UHRF1: variants seen among roughly 807,000 people sequenced by gnomAD.
UHRF1 encodes the protein E3 ubiquitin-protein ligase UHRF1.
In UHRF1, 9 loss-of-function variants were observed where a neutral mutation model predicts 96.5. That is an observed-to-expected ratio of 0.09 (90% CI 0.06 to 0.16). The LOEUF (loss-of-function observed/expected upper bound fraction) is 0.16, where lower values mean the gene tolerates loss of function less well. Among genes scored for constraint, UHRF1 ranks in the 10% least tolerant of loss-of-function variants. UHRF1 has a pLI of 1.00. For missense variants in UHRF1, 626 were observed against 1,131.1 expected (o/e 0.55, Z 6.40); for synonymous variants, 455 against 469.9 (o/e 0.97, Z 0.41).
At chr19:4,917,110 CGT>C (rs1568408731) in intron 2 of UHRF1, among the ~76,000 whole-genome samples, 2 of 58,242 alleles carry the variant, frequency 3.4e-5, no homozygotes, top group African/African-American at 1.2e-4. Flanking sequence ...CTTAAGTTTT[CGT>C]TTTTTTTTTT....
In UHRF1 at chr19:4,945,902, A is replaced by C. The variant is rs2250982; in HGVS notation, c.1347A>C (p.Ile449=). 0.58 allele frequency: 923,929 copies of C among 1,595,164 alleles called. 270,550 individuals are homozygous for C. The highest frequency in any genetic ancestry group is 0.71 in the South Asian group (63,594 of 89,864). ...SGVHRPHVAG[I]HGRSNDGAYS... ...TCCATCGGCCCCACGTGGCTGGCAT[A>C]CACGGCCGGAGCAACGACGGAGCGT... Residue 449 remains isoleucine (I), a synonymous_variant, in exon 10 of 17, where the codon ATA becomes ATC. Transcript: ENST00000650932.
upstream of UHRF1, among the ~76,000 whole-genome samples, chr19:4,907,875 G>A (rs1320182047): frequency 6.6e-6 from 1 of 151,826 alleles, no homozygotes; most frequent in African/African-American, 2.4e-5. Flanking sequence ...ACCACGCCAG[G>A]CTAATTTTGT....
chr19:4,935,155 A>T (rs551222913), intron 5 of UHRF1, among the ~76,000 whole-genome samples: 1 of 152,068 alleles, frequency 6.6e-6, no homozygotes, highest in African/African-American at 2.4e-5. Context: ...TTTAGTGGAG[A>T]CAGAGTTTCA....
At chr19:4,917,952 G>A (rs1020607581) in intron 2 of UHRF1, among the ~76,000 whole-genome samples, 4 of 151,840 alleles carry the variant, frequency 2.6e-5, no homozygotes, top group African/African-American at 2.4e-5. Context: ...TGAGCTATTG[G>A]GCCTGGCCTA....
intron 5 of UHRF1, among the ~76,000 whole-genome samples, chr19:4,937,662 C>T (rs1318530425): frequency 6.6e-6 from 1 of 152,098 alleles, no homozygotes; most frequent in Admixed American, 6.6e-5. Flanking sequence ...CTTCGCCCGG[C>T]CAGTTTAGGA....
At chr19:4,909,063 G>A (rs1568402999), upstream of UHRF1, 3 of 161,838 alleles carry the variant, frequency 1.9e-5, no homozygotes, top group Admixed American at 6.5e-5. Flanking sequence ...TGGGGCGATC[G>A]GGCGAGCCAT....
intron 9 of UHRF1, among the ~76,000 whole-genome samples, chr19:4,945,356 T>C (rs918245111): frequency 3.3e-5 from 5 of 152,142 alleles, no homozygotes; most frequent in Non-Finnish European, 7.4e-5. Context: ...TCTCCTGGGT[T>C]CAAGCGATTC....
chr19:4,913,296 C>G (rs995689543), intron 2 of UHRF1, among the ~76,000 whole-genome samples: 4 of 132,798 alleles, frequency 3.0e-5, no homozygotes, highest in Non-Finnish European at 6.2e-5. Context: ...TCTTGTTGCC[C>G]AGGCTGGAGT....
chr19:4,926,005 G>T (rs1409226450), intron 2 of UHRF1, among the ~76,000 whole-genome samples: 1 of 151,776 alleles, frequency 6.6e-6, no homozygotes, highest in Non-Finnish European at 1.5e-5. Flanking sequence ...TCAAGCAATT[G>T]TCCTTCCTCA....
chr19:4,928,971 TG>T (rs2032959284), intron 2 of UHRF1, among the ~76,000 whole-genome samples: 1 of 152,230 alleles, frequency 6.6e-6, no homozygotes, highest in Non-Finnish European at 1.5e-5. Flanking sequence ...TTTGTGCTTC[TG>T]GGTGCTTCCT....
At chr19:4,935,759 G>C (rs187169390) in intron 5 of UHRF1, among the ~76,000 whole-genome samples, 19 of 152,166 alleles carry the variant, frequency 1.2e-4, no homozygotes, top group African/African-American at 4.1e-4. Flanking sequence ...TTATGGGTTA[G>C]GTTTAAGTGA....
At chr19:4,956,136 G>C (rs1468157816) in intron 15 of UHRF1, among the ~76,000 whole-genome samples, 2 of 152,004 alleles carry the variant, frequency 1.3e-5, no homozygotes, top group Admixed American at 1.3e-4. Flanking sequence ...TCACCGTGTT[G>C]GTCAGGCTGG....
chr19:4,961,748 A>G lies in UHRF1; in HGVS notation c.*945A>G, dbSNP rs1458221340. 1.4e-5 allele frequency: 2 copies of G among 140,166 alleles called. No homozygotes were observed. Among genetic ancestry groups the G allele is most frequent in the Non-Finnish European group, 3.2e-5 (2 of 61,742 alleles). The allele number at this position is 140,166 out of a possible 1,614,324, so 8.7% of individuals were successfully genotyped here. A position where few individuals can be genotyped will look rare whatever the true frequency, so the allele number is the denominator to read the frequency against. On this transcript the variant is annotated 3_prime_UTR_variant, in exon 17 of 17. Transcript: ENST00000650932. Reference sequence around the variant, plus strand: ...CATTTACATTCAATTTTTTTAACTCAGCAAGTGAGAACTTACAAGAGGGTT... The same window carrying G: ...CATTTACATTCAATTTTTTTAACTCGGCAAGTGAGAACTTACAAGAGGGTT...
At chr19:4,950,795 C>T (rs1244860197) in intron 12 of UHRF1, 22 bp downstream of exon 12, 62 of 1,613,500 alleles carry the variant, frequency 3.8e-5, no homozygotes, top group Non-Finnish European at 4.7e-5. Context: ...TTGAGGAGGC[C>T]GGGGGCTCTG....
intron 1 of UHRF1, chr19:4,910,332 A>G (rs1434264469): frequency 2.5e-5 from 3 of 117,710 alleles, no homozygotes; most frequent in Non-Finnish European, 5.8e-5. Flanking sequence ...CCGGTCGCGC[A>G]CGCGCGCGGG....
At chr19:4,931,735 G>C (rs2033058702) in intron 4 of UHRF1, among the ~76,000 whole-genome samples, 1 of 151,914 alleles carries the variant, frequency 6.6e-6, no homozygotes, top group Admixed American at 6.6e-5. Flanking sequence ...CCAGAGTGTT[G>C]GGATTACAGG....
intron 2 of UHRF1, among the ~76,000 whole-genome samples, chr19:4,920,197 T>G (rs905480126): frequency 1.6e-4 from 25 of 152,168 alleles, no homozygotes; most frequent in Non-Finnish European, 1.0e-4. Flanking sequence ...TTCGGGAGGC[T>G]GAGGCAGGCA....
At chr19:4,929,160 G>T in intron 2 of UHRF1, 62 bp from the exon 3 acceptor site, 1 of 1,565,056 alleles carries the variant, frequency 6.4e-7, no homozygotes, top group Non-Finnish European at 8.7e-7. Context: ...CATCACTGGT[G>T]CCCACAGATG....
At chr19:4,914,016 T>A (rs2032393277) in intron 2 of UHRF1, among the ~76,000 whole-genome samples, 2 of 152,010 alleles carry the variant, frequency 1.3e-5, no homozygotes, top group Non-Finnish European at 2.9e-5. Flanking sequence ...GGTTTCTCCA[T>A]GTTGGTCAGG....
Sources: gnomAD v4.1 joint callset for allele counts (sites outside exome capture counted in the v4.1 genomes callset) on GRCh38, gnomAD v4.1.1 for gene constraint, MANE v1.5 for transcripts, NCBI Gene and HGNC (gene_info 2026-07-23, HGNC 2026-07-21) for gene names.